The following ADAMTSL1 variants were observed in gnomAD, a reference collection of about 807,000 sequenced individuals.
ADAMTSL1 encodes ADAMTS-like protein 1.
Under a neutral mutation model 201.8 loss-of-function variants are expected in ADAMTSL1, and 126 were observed. The ratio of observed to expected loss-of-function variants is 0.62; its 90% CI spans 0.54 to 0.72. The LOEUF (loss-of-function observed/expected upper bound fraction) is 0.72, where lower values mean the gene tolerates loss of function less well. Among genes scored for constraint, ADAMTSL1 ranks in the 30% least tolerant of loss-of-function variants. The pLI is 0.00. For missense variants in ADAMTSL1, 2,679 were observed against 2,277.8 expected (o/e 1.18, Z -3.59); for synonymous variants, 1,121 against 903.4 (o/e 1.24, Z -4.32).
chr9:18,194,229 A>C (rs1295798637), intron 2 of ADAMTSL1, among the ~76,000 whole-genome samples: 1 of 152,156 alleles, frequency 6.6e-6, no homozygotes, highest in African/African-American at 2.4e-5. Flanking sequence ...AAGCATATTA[A>C]ACCCTGAGAA....
chr9:17,983,166 G>T (rs538060828), intron 1 of ADAMTSL1, among the ~76,000 whole-genome samples: 3 of 149,700 alleles, frequency 2.0e-5, no homozygotes, highest in Non-Finnish European at 4.4e-5. Flanking sequence ...AGCCTCCTGG[G>T]TTCAAGCGAT....
intron 1 of ADAMTSL1, among the ~76,000 whole-genome samples, chr9:17,973,062 TA>T: frequency 7.2e-5 from 1 of 13,798 alleles, no homozygotes; most frequent in Non-Finnish European, 2.2e-4. Context: ...TTCTGGATAT[TA>T]ACCCTTTGTC....
At chr9:18,600,354 G>T (rs887574164) in intron 4 of ADAMTSL1, among the ~76,000 whole-genome samples, 1 of 152,160 alleles carries the variant, frequency 6.6e-6, no homozygotes, top group Non-Finnish European at 1.5e-5. Flanking sequence ...TGCCCAAAAA[G>T]TCTAGTTTTC....
chr9:18,052,520 G>A (rs561738440), intron 1 of ADAMTSL1, among the ~76,000 whole-genome samples: 2 of 152,118 alleles, frequency 1.3e-5, no homozygotes, highest in Non-Finnish European at 2.9e-5. Context: ...GAGATTTGGG[G>A]CCAGAGAGCC....
intron 2 of ADAMTSL1, among the ~76,000 whole-genome samples, chr9:18,263,812 C>T (rs924004281): frequency 4.6e-5 from 7 of 152,134 alleles, no homozygotes; most frequent in Non-Finnish European, 1.0e-4. Context: ...GCCACGTGAA[C>T]ACACAGGGGG....
Position 18,661,998 on chromosome 9 carries a change from A to G in ADAMTSL1, c.1010A>G (p.Tyr337Cys), listed in dbSNP as rs934136209. Residue 337 changes from tyrosine (Y) to cysteine (C), a missense_variant, in exon 9 of 29, where the codon TAC becomes TGC. Tyr to Cys is a radical substitution (Grantham distance 194). Transcript: ENST00000380548. Reference protein sequence around the residue: ...LRSNRVVADQYCHYYPENIKP... With the variant: ...LRSNRVVADQCCHYYPENIKP... ...AGCAACCGTGTGGTTGCTGACCAATACTGTCACTATTACCCAGAGAACATC... is the reference window on the plus strand; with the variant it reads ...AGCAACCGTGTGGTTGCTGACCAATGCTGTCACTATTACCCAGAGAACATC... 5 of 1,614,008 alleles carry G rather than the reference A, an allele frequency of 3.1e-6. No homozygotes were observed. Among genetic ancestry groups the G allele is most frequent in the Middle Eastern group, 1.6e-4 (1 of 6,084 alleles).
At chr9:17,934,935 C>G (rs942074333) in intron 1 of ADAMTSL1, among the ~76,000 whole-genome samples, 1 of 149,078 alleles carries the variant, frequency 6.7e-6, no homozygotes, top group African/African-American at 2.5e-5. Flanking sequence ...CTGTATTGGA[C>G]CTTCCCCTTT....
intron 1 of ADAMTSL1, among the ~76,000 whole-genome samples, chr9:18,142,794 C>T (rs1826456751): frequency 6.6e-6 from 1 of 152,108 alleles, no homozygotes; most frequent in Non-Finnish European, 1.5e-5. Context: ...TATGTATGTG[C>T]CATAGTGCCA....
At chr9:18,399,326 T>TAA (rs1554672329) in intron 2 of ADAMTSL1, among the ~76,000 whole-genome samples, 2 of 112,074 alleles carry the variant, frequency 1.8e-5, no homozygotes, top group African/African-American at 3.3e-5. Flanking sequence ...TATATATATA[T>TAA]ATAAAATTAT....
At chr9:18,846,297 GC>G (rs111750174) in intron 23 of ADAMTSL1, among the ~76,000 whole-genome samples, 13,967 of 152,238 alleles carry the variant, frequency 0.092, 843 homozygotes, top group East Asian at 0.22. Context: ...AGAGCTGGGG[GC>G]TTTTCAGGTC....
At chr9:18,559,582 T>C (rs1213036880) in intron 3 of ADAMTSL1, among the ~76,000 whole-genome samples, 1 of 152,244 alleles carries the variant, frequency 6.6e-6, no homozygotes, top group African/African-American at 2.4e-5. Context: ...GCATTGAATC[T>C]ATAAATAACT....
chr9:18,050,682 G>A (rs1479206769), intron 1 of ADAMTSL1, among the ~76,000 whole-genome samples: 43 of 152,104 alleles, frequency 2.8e-4, no homozygotes, highest in Admixed American at 2.8e-3. Context: ...TTATGGAAGT[G>A]TGCACTTTTT....
intron 23 of ADAMTSL1, among the ~76,000 whole-genome samples, chr9:18,834,505 T>A (rs1435347036): frequency 6.6e-6 from 1 of 152,164 alleles, no homozygotes; most frequent in Admixed American, 6.6e-5. Flanking sequence ...ATATTTAAAG[T>A]TTAAAATATG....
rs1159876338 is a variant in ADAMTSL1 at position 18,396,656 on chromosome 9, GC to G, written c.208-108171del. On this transcript the variant is annotated intron_variant, in intron 2 of 29. Coordinates refer to the ADAMTSL1 transcript ENST00000680146. ...AATGTCCTGTGCAAATAGAGTACCA[GC>G]CTTTATCAGCTTAAAAACTGGGATC... 2.0e-5 allele frequency among the ~76,000 whole-genome samples: 3 copies of G among 151,196 alleles called. No individual in the cohort carries two copies. The East Asian group carries it at 5.8e-4, about 29-fold the overall frequency.
At chr9:18,229,740 G>C (rs1460577271) in intron 2 of ADAMTSL1, among the ~76,000 whole-genome samples, 10 of 151,382 alleles carry the variant, frequency 6.6e-5, no homozygotes, top group African/African-American at 2.2e-4. Context: ...TTGTTGCCCA[G>C]GCTGGAGTGC....
intron 16 of ADAMTSL1, among the ~76,000 whole-genome samples, chr9:18,757,169 T>C (rs778183989): frequency 6.6e-6 from 1 of 152,258 alleles, no homozygotes; most frequent in Non-Finnish European, 1.5e-5. Context: ...ATTCATTTCA[T>C]ATTTATCCTT....
chr9:18,289,713 C>G (rs73643220), intron 2 of ADAMTSL1, among the ~76,000 whole-genome samples: 3 of 152,094 alleles, frequency 2.0e-5, no homozygotes, highest in Admixed American at 6.5e-5. Context: ...TTTTCCTGAG[C>G]TCTTTCCTCA....
chr9:18,215,949 C>A (rs756442191), intron 2 of ADAMTSL1, among the ~76,000 whole-genome samples: 2 of 152,134 alleles, frequency 1.3e-5, no homozygotes, highest in South Asian at 2.1e-4. Flanking sequence ...GAGTCCATTA[C>A]GAGAACTGAG....
chr9:18,725,650 A>T (rs1487320726), intron 15 of ADAMTSL1, among the ~76,000 whole-genome samples: 2 of 152,188 alleles, frequency 1.3e-5, no homozygotes, highest in Non-Finnish European at 2.9e-5. Flanking sequence ...GAATACATGA[A>T]TATTCTCATT....
Sources: allele counts gnomAD v4.1 joint callset (sites outside exome capture counted in the v4.1 genomes callset), GRCh38; gene constraint gnomAD v4.1.1; transcripts MANE v1.5; gene names NCBI Gene and HGNC (gene_info 2026-07-23, HGNC 2026-07-21).